Variants in HERC5 observed in about 807,000 individuals in gnomAD.
HERC5 encodes E3 ISG15--protein ligase HERC5.
In HERC5, 99 loss-of-function variants were observed where a neutral mutation model predicts 119.6. The ratio of observed to expected loss-of-function variants is 0.83; its 90% CI spans 0.70 to 0.98. HERC5 has a LOEUF of 0.98. Ranked by LOEUF, HERC5 falls within the 50% of genes least tolerant of loss-of-function variation. The probability of loss-of-function intolerance (pLI) is 0.00; values close to 1 mark genes in which losing one functional copy is unlikely to be tolerated. For missense variants in HERC5, 1,267 were observed against 1,241.3 expected (o/e 1.02, Z -0.31); for synonymous variants, 478 against 445.9 (o/e 1.07, Z -0.91).
intron 12 of HERC5, among the ~76,000 whole-genome samples, chr4:88,477,188 A>G (rs1741095786): frequency 7.7e-6 from 1 of 129,838 alleles, no homozygotes; most frequent in Non-Finnish European, 1.6e-5. Flanking sequence ...TAGATAGTGA[A>G]ACCCCATCTC....
chr4:88,489,425 A>C, intron 16 of HERC5, 89 bp downstream of exon 16: 1 of 1,227,102 alleles, frequency 8.1e-7, no homozygotes, highest in Non-Finnish European at 1.1e-6. Flanking sequence ...AGAGGAAGTT[A>C]TCTTCCTTTG....
At chr4:88,469,040 A>G (rs943257436) in intron 8 of HERC5, 117 bp from the exon 9 acceptor site, 12 of 624,854 alleles carry the variant, frequency 1.9e-5, no homozygotes, top group African/African-American at 9.3e-5. Context: ...TGATTGTCCC[A>G]GGGCTGTATT....
intron 20 of HERC5, 85 bp from the exon 21 acceptor site, chr4:88,504,147 A>T: frequency 7.6e-6 from 6 of 790,170 alleles, no homozygotes; most frequent in Non-Finnish European, 1.3e-5. Context: ...AATAACTGTT[A>T]GGTATTCTAG....
intron 11 of HERC5, chr4:88,473,076 A>T (rs904755688): frequency 6.6e-6 from 1 of 150,786 alleles, no homozygotes; most frequent in African/African-American, 2.4e-5. Context: ...TTTTATTTTT[A>T]TTTTTTTGGA....
chr4:88,501,125 A>C, intron 20 of HERC5, 140 bp downstream of exon 20: 1 of 598,438 alleles, frequency 1.7e-6, no homozygotes, highest in Non-Finnish European at 2.9e-6. Context: ...TGTGTGTTGT[A>C]TGTGTTTTGA....
intron 4 of HERC5, 138 bp from the exon 5 acceptor site, chr4:88,463,394 C>A: frequency 1.7e-6 from 1 of 597,912 alleles, no homozygotes; most frequent in Non-Finnish European, 3.0e-6. Flanking sequence ...TGATCCTAAA[C>A]ATGGCAACAT....
In HERC5 at chr4:88,457,156, G is replaced by A. The variant is rs965206956; in HGVS notation, c.-114G>A. On this transcript the variant is annotated 5_prime_UTR_variant, in exon 1 of 23. Coordinates refer to ENST00000264350, the MANE Select transcript of HERC5 (RefSeq NM_016323.4). Reference sequence around the variant, plus strand: ...TGCGGTTCCCCGACGCCACGCAGCTGCGCGCAGCTGGTTCCCGCTCTGCAG... The same window carrying A: ...TGCGGTTCCCCGACGCCACGCAGCTACGCGCAGCTGGTTCCCGCTCTGCAG... 2 of 1,233,810 alleles carry A rather than the reference G, an allele frequency of 1.6e-6. No homozygotes were observed. The highest frequency in any genetic ancestry group is 1.6e-5 in the African/African-American group (1 of 64,436). 76.4% of individuals were successfully genotyped at this position (1,233,810 alleles called of 1,614,324 possible). A position where few individuals can be genotyped will look rare whatever the true frequency, so the allele number is the denominator to read the frequency against.
intron 16 of HERC5, among the ~76,000 whole-genome samples, chr4:88,490,965 C>T (rs550383030): frequency 3.5e-4 from 54 of 152,214 alleles, no homozygotes; most frequent in African/African-American, 1.2e-3. Context: ...TCAGTCTACT[C>T]GATTATTTGA....
Position 88,504,604 on chromosome 4 carries a change from A to G in HERC5, c.2869+7A>G. 6.7e-7 allele frequency: 1 copy of G among 1,491,936 alleles called. No homozygotes were observed. The highest frequency in any genetic ancestry group is 2.3e-5 in the East Asian group (1 of 43,920). 92.4% of individuals were successfully genotyped at this position (1,491,936 alleles called of 1,614,324 possible). On this transcript the variant is annotated splice_region_variant and intron_variant, in intron 22 of 22. Coordinates refer to ENST00000264350, the MANE Select transcript of HERC5 (RefSeq NM_016323.4). ...GAAAAGAAAAAATTCCTTGGTAAGTATTATATCAAGGAATAGATCTGTAAT... is the reference window on the plus strand; with the variant it reads ...GAAAAGAAAAAATTCCTTGGTAAGTGTTATATCAAGGAATAGATCTGTAAT...
intron 6 of HERC5, 105 bp downstream of exon 6, chr4:88,464,090 C>A: frequency 1.7e-5 from 15 of 871,918 alleles, no homozygotes; most frequent in African/African-American, 5.3e-5. Context: ...CAAACATTTT[C>A]AAATCAGTGA....
At chr4:88,460,247 A>G (rs1017075509) in intron 3 of HERC5, 76 bp downstream of exon 3, 6 of 684,312 alleles carry the variant, frequency 8.8e-6, no homozygotes, top group Non-Finnish European at 2.5e-6. Flanking sequence ...GAATGTCTAT[A>G]TTTCACTTGT....
Position 88,489,176 on chromosome 4 carries a change from A to T in HERC5, c.1973A>T (p.His658Leu), listed in dbSNP as rs200086017. The change falls in exon 16 of 23, where the codon CAT becomes CTT. Residue 658 changes from histidine (H) to leucine (L), a missense_variant. Transcript: ENST00000264350. ...TTTCTGTTTTCCTAGAGTAAAAAAC[A>T]TAAAGCTTATCTTAGGTCGGCAGCA... ...DTLLKIESKK[H>L]KAYLRSAAIE... The T allele has an allele frequency of 1.9e-6, 3 of 1,608,806 alleles. No individual in the cohort carries two copies. Among genetic ancestry groups the T allele is most frequent in the African/African-American group, 1.3e-5 (1 of 74,738 alleles).
chr4:88,498,326 G>C lies in HERC5; in HGVS notation c.2445-1600G>C, dbSNP rs373036897. Among the ~76,000 whole-genome samples the C allele has an allele frequency of 2.7e-4, 41 of 152,306 alleles. No individual in the cohort carries two copies. The South Asian group carries it at 8.5e-3, about 32-fold the overall frequency. On this transcript the variant is annotated intron_variant, in intron 18 of 22. Coordinates refer to ENST00000264350, the MANE Select transcript of HERC5 (RefSeq NM_016323.4). ...AACACTAATGTGTGAGAGCCTCTAG[G>C]GGTGGGCTTTGCCCAGCAAAGTCAT...
chr4:88,463,221 A>C (rs1041403914), intron 4 of HERC5, among the ~76,000 whole-genome samples: 6 of 152,246 alleles, frequency 3.9e-5, no homozygotes, highest in Non-Finnish European at 5.9e-5. Context: ...ATTAAAAGTA[A>C]TTCTAGATGG....
chr4:88,487,163 C>T lies in HERC5; in HGVS notation c.1946C>T (p.Thr649Ile). 3 of 1,562,896 alleles carry T rather than the reference C, an allele frequency of 1.9e-6. No homozygotes were observed. The highest frequency in any genetic ancestry group is 2.6e-6 in the Non-Finnish European group (3 of 1,134,550). Residue 649 changes from threonine (T) to isoleucine (I), a missense_variant, in exon 15 of 23, where the codon ACA becomes ATA. Around this residue, in one of 3 missense-constraint regions of HERC5, gnomAD observed 473 missense variants for 445.7 expected, o/e 1.06. Coordinates refer to ENST00000264350, the MANE Select transcript of HERC5 (RefSeq NM_016323.4). ...LSKIKLLHTDTLLKIESKKHK... is the reference protein window; with the variant it reads ...LSKIKLLHTDILLKIESKKHK... ...AAAATTAAACTACTACATACAGACA[C>T]ACTTTTAAAAATAGAGGTATGTATG...
rs908206491 is a variant in HERC5, at chr4:88,457,454, G to T, written c.185G>T (p.Arg62Leu). 4.5e-6 allele frequency: 6 copies of T among 1,347,776 alleles called. No individual in the cohort carries two copies. In the African/African-American group the frequency reaches 7.5e-5, roughly 17 times the overall value. The allele number at this position is 1,347,776 out of a possible 1,614,324, so 83.5% of individuals were successfully genotyped here. ...VTRQLCCSPG[R>L]LAVLERGGAG... ...CGCCAACTCTGCTGCTCGCCGGGGC[G>T]CCTCGCGGTCTTGGAACGCGGCGGG... Residue 62 changes from arginine (R) to leucine (L), a missense_variant, in exon 1 of 23, where the codon CGC (arginine) becomes CTC (leucine). Coordinates refer to ENST00000264350, the MANE Select transcript of HERC5 (RefSeq NM_016323.4).
intron 20 of HERC5, among the ~76,000 whole-genome samples, chr4:88,502,860 G>A (rs1156236863): frequency 6.6e-6 from 1 of 150,484 alleles, no homozygotes. Flanking sequence ...CTATTTTTCT[G>A]TTGCTTTTTT....
In HERC5 at chr4:88,506,021, A is replaced by G; in HGVS notation, c.*143A>G. On this transcript the variant is annotated 3_prime_UTR_variant, in exon 23 of 23. Transcript: ENST00000264350. ...TTCATTTCTGTCTCTAGTGATAAGC[A>G]GGAAAGAGGGATGAAGAAGAGGGTT... is the stretch of plus-strand genomic sequence containing the variant. The G allele has an allele frequency of 4.5e-6, 3 of 665,490 alleles. No individual in the cohort carries two copies. The South Asian group carries it at 6.1e-5, about 13-fold the overall frequency. 41.2% of individuals were successfully genotyped at this position (665,490 alleles called of 1,614,324 possible). A position where few individuals can be genotyped will look rare whatever the true frequency, so the allele number is the denominator to read the frequency against.
chr4:88,487,657 G>A (rs755027453), intron 15 of HERC5, among the ~76,000 whole-genome samples: 110 of 152,134 alleles, frequency 7.2e-4, no homozygotes, highest in Non-Finnish European at 1.4e-3. Context: ...AAAGAGGTTT[G>A]TACAGATTCC....
Sources: gnomAD v4.1 joint callset for allele counts (sites outside exome capture counted in the v4.1 genomes callset) on GRCh38, gnomAD v4.1.1 for gene constraint, gnomAD v4.1.1 regional missense constraint, MANE v1.5 for transcripts, NCBI Gene and HGNC (gene_info 2026-07-23, HGNC 2026-07-21) for gene names.